Variants in DPYD observed in about 807,000 individuals in gnomAD.
DPYD encodes the protein dihydropyrimidine dehydrogenase.
DPYD carries 109 observed loss-of-function variants against 116.2 expected under a neutral mutation model. The observed-to-expected ratio is 0.94, with a 90% CI of 0.80 to 1.10. The LOEUF (loss-of-function observed/expected upper bound fraction) is 1.10. Ranked by LOEUF, DPYD falls within the 50% of genes least tolerant of loss-of-function variation. DPYD has a pLI of 0.00. For missense variants in DPYD, 1,302 were observed against 1,254.5 expected, an observed-to-expected ratio of 1.04 and a Z score of -0.57; for synonymous variants, 440 against 432.0, an observed-to-expected ratio of 1.02 and a Z score of -0.23.
At chr1:97,669,751 C>T (rs1233866504) in intron 8 of DPYD, among the ~76,000 whole-genome samples, 1 of 152,084 alleles carries the variant, frequency 6.6e-6, no homozygotes. Flanking sequence ...CATAAATTAT[C>T]CCCCAAAATT....
chr1:97,584,571 T>C lies in DPYD; in HGVS notation c.1128+8647A>G, dbSNP rs562289689. On this transcript the variant is annotated intron_variant, in intron 10 of 22. Transcript: ENST00000370192. ...CTAACATGTAAGTCTTTAATCCATCTTGAATTAATTTTTGTGGCACATATA... is the reference window on the plus strand; with the variant it reads ...CTAACATGTAAGTCTTTAATCCATCCTGAATTAATTTTTGTGGCACATATA... 2.6e-5 allele frequency among the ~76,000 whole-genome samples: 4 copies of C among 152,112 alleles called. No individual in the cohort carries two copies. In the South Asian group the frequency reaches 6.2e-4, roughly 24 times the overall value.
intron 1 of DPYD, among the ~76,000 whole-genome samples, chr1:97,888,511 A>T (rs1672615498): frequency 6.6e-6 from 1 of 152,024 alleles, no homozygotes; most frequent in African/African-American, 2.4e-5. Context: ...GGTATATTAC[A>T]CTATACCTTC....
chr1:97,398,096 C>G (rs1459666088), intron 14 of DPYD, among the ~76,000 whole-genome samples: 1 of 152,004 alleles, frequency 6.6e-6, no homozygotes, highest in East Asian at 1.9e-4. Context: ...TTCCTCCCCA[C>G]TCCCCCAACC....
chr1:97,876,232 T>C (rs1025940741), intron 2 of DPYD, among the ~76,000 whole-genome samples: 9 of 152,048 alleles, frequency 5.9e-5, no homozygotes, highest in African/African-American at 1.9e-4. Flanking sequence ...TGACTCAACC[T>C]GGACATCCAA....
At chr1:97,467,506 C>T (rs1378874185) in intron 13 of DPYD, among the ~76,000 whole-genome samples, 1 of 152,062 alleles carries the variant, frequency 6.6e-6, no homozygotes, top group African/African-American at 2.4e-5. Context: ...TGAAATTTAC[C>T]CCTGCTTTAA....
At chr1:97,670,152 A>G (rs1008720293) in intron 8 of DPYD, among the ~76,000 whole-genome samples, 1 of 152,174 alleles carries the variant, frequency 6.6e-6, no homozygotes, top group Non-Finnish European at 1.5e-5. Context: ...GACAATATCC[A>G]CTATCTCAGT....
At chr1:97,823,609 A>C (rs2101459980) in intron 3 of DPYD, among the ~76,000 whole-genome samples, 1 of 152,134 alleles carries the variant, frequency 6.6e-6, no homozygotes, top group South Asian at 2.1e-4. Flanking sequence ...TTCTGTGATT[A>C]GCTTATTTCA....
At chr1:97,327,913 G>A (rs1044284425) in intron 16 of DPYD, among the ~76,000 whole-genome samples, 4 of 152,142 alleles carry the variant, frequency 2.6e-5, no homozygotes, top group East Asian at 1.9e-4. Flanking sequence ...ATTACAAAAA[G>A]CAAATACATA....
chr1:97,461,603 A>G (rs1419096569), intron 13 of DPYD, among the ~76,000 whole-genome samples: 1 of 152,210 alleles, frequency 6.6e-6, no homozygotes, highest in Non-Finnish European at 1.5e-5. Flanking sequence ...CATTTATTTG[A>G]GCATACATAC....
At chr1:97,737,833 A>C (rs1664047175) in intron 4 of DPYD, among the ~76,000 whole-genome samples, 1 of 152,092 alleles carries the variant, frequency 6.6e-6, no homozygotes, top group Admixed American at 6.5e-5. Context: ...TATAAATGCA[A>C]ACATTATTAT....
intron 8 of DPYD, among the ~76,000 whole-genome samples, chr1:97,664,867 C>A (rs532088463): frequency 6.6e-6 from 1 of 152,076 alleles, no homozygotes; most frequent in South Asian, 2.1e-4. Context: ...AACACATGCA[C>A]GCACACACAC....
In DPYD at chr1:97,311,901, G is replaced by A. The variant is rs1667543377; in HGVS notation, c.2059-5604C>T. 3.3e-5 allele frequency among the ~76,000 whole-genome samples: 5 copies of A among 151,756 alleles called. No homozygotes were observed. In the South Asian group the frequency reaches 8.3e-4, roughly 25 times the overall value. ...ATGGTCTTTAGAGACATATATATGG[G>A]TGATAAAACTACGAAGAAAAGCAAA... On this transcript the variant is annotated intron_variant, in intron 16 of 22. Coordinates refer to ENST00000370192, the MANE Select transcript of DPYD (RefSeq NM_000110.4).
At chr1:97,429,439 A>G (rs1675051746) in intron 14 of DPYD, among the ~76,000 whole-genome samples, 1 of 152,114 alleles carries the variant, frequency 6.6e-6, no homozygotes. Flanking sequence ...AGAAAGAAGT[A>G]TCTTATTTTC....
chr1:97,522,266 T>G (rs557967869), intron 12 of DPYD, among the ~76,000 whole-genome samples: 1 of 152,280 alleles, frequency 6.6e-6, no homozygotes, highest in East Asian at 1.9e-4. Context: ...CAGACACTTC[T>G]CAAAAGAAGA....
At chr1:97,884,742 T>G (rs1672395559) in intron 1 of DPYD, among the ~76,000 whole-genome samples, 1 of 152,036 alleles carries the variant, frequency 6.6e-6, no homozygotes, top group African/African-American at 2.4e-5. Flanking sequence ...AGAATTTTCT[T>G]CCCTTCTAAA....
intron 19 of DPYD, among the ~76,000 whole-genome samples, chr1:97,224,221 C>T (rs1199965993): frequency 3.9e-5 from 6 of 151,946 alleles, no homozygotes; most frequent in African/African-American, 1.2e-4. Flanking sequence ...AGCCTGTAAT[C>T]GGTTTTGAAT....
At chr1:97,532,168 T>G (rs1348942729) in intron 12 of DPYD, among the ~76,000 whole-genome samples, 1 of 152,174 alleles carries the variant, frequency 6.6e-6, no homozygotes, top group African/African-American at 2.4e-5. Flanking sequence ...TGTTATCACA[T>G]TTATTGATTT....
At chr1:97,601,793 T>C (rs1301203730) in intron 8 of DPYD, among the ~76,000 whole-genome samples, 1 of 152,042 alleles carries the variant, frequency 6.6e-6, no homozygotes, top group Non-Finnish European at 1.5e-5. Flanking sequence ...TGTGCTGCTG[T>C]AAATGCGTTT....
At chr1:97,630,963 C>T (rs1305915393) in intron 8 of DPYD, among the ~76,000 whole-genome samples, 1 of 152,074 alleles carries the variant, frequency 6.6e-6, no homozygotes, top group East Asian at 1.9e-4. Context: ...ACTAATACTC[C>T]TTTGTCTTGA....
Sources: gnomAD v4.1 joint callset for allele counts (sites outside exome capture counted in the v4.1 genomes callset) on GRCh38, gnomAD v4.1.1 for gene constraint, MANE v1.5 for transcripts, NCBI Gene and HGNC (gene_info 2026-07-23, HGNC 2026-07-21) for gene names.